TLN2: variants seen among roughly 807,000 people sequenced by gnomAD.
TLN2 encodes the protein talin-2.
TLN2 carries 118 observed loss-of-function variants against 294.7 expected under a neutral mutation model. That is an observed-to-expected ratio of 0.40 (90% CI 0.34 to 0.47). The LOEUF is 0.47. Ranked by LOEUF, TLN2 falls within the 20% of genes least tolerant of loss-of-function variation. The pLI is 0.84. For synonymous variants in TLN2, 1,431 were observed against 1,304.5 expected (o/e 1.10, Z -2.09); for missense variants, 3,083 against 3,282.2 (o/e 0.94, Z 1.48).
At chr15:62,781,275 G>C (rs2064141266) in intron 44 of TLN2, 34 bp downstream of exon 44, 1 of 1,569,640 alleles carries the variant, frequency 6.4e-7, no homozygotes, top group Admixed American at 1.7e-5. Context: ...CCCCACTGTT[G>C]TTTGCCTTTT....
intron 11 of TLN2, among the ~76,000 whole-genome samples, chr15:62,678,784 T>C (rs1281042454): frequency 1.3e-5 from 2 of 152,134 alleles, no homozygotes; most frequent in African/African-American, 4.8e-5. Flanking sequence ...TTAGCCAAAA[T>C]TGCACTACTG....
intron 1 of TLN2, among the ~76,000 whole-genome samples, chr15:62,461,176 C>T (rs1420989995): frequency 2.0e-5 from 3 of 152,078 alleles, no homozygotes; most frequent in Non-Finnish European, 4.4e-5. Context: ...TCTCGAACTT[C>T]CTCGTGATCC....
chr15:62,619,784 A>C (rs2048621562), intron 3 of TLN2, among the ~76,000 whole-genome samples: 1 of 152,160 alleles, frequency 6.6e-6, no homozygotes, highest in Admixed American at 6.5e-5. Context: ...GCGTGTTCCC[A>C]CTGAAACCTG....
In TLN2 at chr15:62,820,603, A is replaced by C. The variant is rs202139120; in HGVS notation, c.6995A>C (p.Lys2332Thr). Reference sequence around the variant, plus strand: ...TTAGAGCAACTGAAGCCAAGAGCAAAACCAAAAGTAAGTGTTCATTTATGG... The same window carrying C: ...TTAGAGCAACTGAAGCCAAGAGCAACACCAAAAGTAAGTGTTCATTTATGG... Reference protein sequence around the residue: ...KKLEQLKPRAKPKQADETLDF... With the variant: ...KKLEQLKPRATPKQADETLDF... The change falls in exon 54 of 59, where the codon AAA becomes ACA. Residue 2332 changes from lysine (K) to threonine (T), a missense_variant. Coordinates refer to ENST00000636159, the MANE Select transcript of TLN2 (RefSeq NM_015059.3). 1.3e-5 allele frequency: 21 copies of C among 1,612,924 alleles called. No individual in the cohort carries two copies. The East Asian group carries it at 1.3e-4, about 10-fold the overall frequency.
chr15:62,619,637 C>T (rs1387393186), intron 3 of TLN2, among the ~76,000 whole-genome samples: 1 of 152,090 alleles, frequency 6.6e-6, no homozygotes, highest in African/African-American at 2.4e-5. Flanking sequence ...TTAGGGTGGG[C>T]CCTGAATCTG....
chr15:62,674,180 C>T (rs549365766), intron 10 of TLN2, among the ~76,000 whole-genome samples: 7 of 152,316 alleles, frequency 4.6e-5, no homozygotes, highest in African/African-American at 1.7e-4. Flanking sequence ...AGACTGTTAA[C>T]ATGCATTGAG....
chr15:62,753,991 A>C (rs562339302), intron 36 of TLN2, 75 bp downstream of exon 36: 8 of 1,385,810 alleles, frequency 5.8e-6, no homozygotes, highest in Non-Finnish European at 7.5e-6. Flanking sequence ...GACTATGAGA[A>C]ATTAGTAAAG....
chr15:62,777,530 C>CAAA (rs5813171), intron 43 of TLN2, among the ~76,000 whole-genome samples: 222 of 135,482 alleles, frequency 1.6e-3, no homozygotes, highest in Admixed American at 3.9e-3. Flanking sequence ...GCGAAACTCT[C>CAAA]AAAAAAAAAA....
chr15:62,614,486 C>T (rs1273182864), intron 2 of TLN2, among the ~76,000 whole-genome samples: 2 of 152,074 alleles, frequency 1.3e-5, no homozygotes, highest in Non-Finnish European at 2.9e-5. Context: ...GCCCTCTACT[C>T]CTTTAAAAAA....
rs984556353 is a variant in TLN2 at position 62,626,107 on chromosome 15, C to T, written c.-37+7632C>T. Among the ~76,000 whole-genome samples, 6 of 152,120 alleles carry T rather than the reference C, an allele frequency of 3.9e-5. No individual in the cohort carries two copies. The South Asian group carries it at 6.2e-4, about 16-fold the overall frequency. ...GCATTAGGGATTATGGCACACATAA[C>T]GATATACATGACAGATTAGCAAATA... is the stretch of plus-strand genomic sequence containing the variant. On this transcript the variant is annotated intron_variant, in intron 3 of 58. Coordinates refer to ENST00000636159, the MANE Select transcript of TLN2 (RefSeq NM_015059.3).
intron 2 of TLN2, among the ~76,000 whole-genome samples, chr15:62,597,832 A>G (rs2046658385): frequency 6.6e-6 from 1 of 152,200 alleles, no homozygotes; most frequent in Non-Finnish European, 1.5e-5. Flanking sequence ...AGGTAATTTT[A>G]TACATCATTT....
At chr15:62,609,544 C>G (rs1266660459) in intron 2 of TLN2, among the ~76,000 whole-genome samples, 1 of 152,150 alleles carries the variant, frequency 6.6e-6, no homozygotes, top group Non-Finnish European at 1.5e-5. Flanking sequence ...GGTGAAAGGC[C>G]AGTTATTTTG....
intron 9 of TLN2, among the ~76,000 whole-genome samples, chr15:62,670,397 C>G (rs1567310618): frequency 6.6e-6 from 1 of 152,220 alleles, no homozygotes. Flanking sequence ...CTTTACCTCT[C>G]TGAAACTCAG....
intron 54 of TLN2, among the ~76,000 whole-genome samples, chr15:62,825,625 G>A (rs996617000): frequency 2.7e-5 from 4 of 146,888 alleles, no homozygotes; most frequent in South Asian, 2.1e-4. Context: ...CAAGGTGGGC[G>A]GATCATTTGA....
intron 1 of TLN2, among the ~76,000 whole-genome samples, chr15:62,458,532 T>G (rs2036611461): frequency 6.6e-6 from 1 of 150,486 alleles, no homozygotes; most frequent in Non-Finnish European, 1.5e-5. Flanking sequence ...AGATTCCTCT[T>G]GAAGATACTT....
At chr15:62,442,555 C>T (rs1004929410) in intron 1 of TLN2, among the ~76,000 whole-genome samples, 2 of 150,306 alleles carry the variant, frequency 1.3e-5, no homozygotes, top group African/African-American at 4.9e-5. Flanking sequence ...GGAGAGTCAC[C>T]TGGGAAACTG....
chr15:62,757,037 A>G (rs1342038123), intron 37 of TLN2, among the ~76,000 whole-genome samples: 1 of 152,340 alleles, frequency 6.6e-6, no homozygotes, highest in East Asian at 1.9e-4. Context: ...AGTTCACAGT[A>G]ATTAGGAAGT....
At chr15:62,829,434 C>G (rs2068551779) in intron 54 of TLN2, 1 of 152,066 alleles carries the variant, frequency 6.6e-6, no homozygotes, top group Non-Finnish European at 1.5e-5. Flanking sequence ...GAAACTTACT[C>G]ACTATCACGA....
At chr15:62,711,029 C>CTGA (rs1435341342) in intron 21 of TLN2, among the ~76,000 whole-genome samples, 8 of 151,990 alleles carry the variant, frequency 5.3e-5, no homozygotes, top group African/African-American at 1.9e-4. Flanking sequence ...CCTGGCCCTG[C>CTGA]TGATGTCCTT....
Sources: allele counts gnomAD v4.1 joint callset (sites outside exome capture counted in the v4.1 genomes callset), GRCh38; gene constraint gnomAD v4.1.1; transcripts MANE v1.5; gene names NCBI Gene and HGNC (gene_info 2026-07-23, HGNC 2026-07-21).